EYS: variants seen among roughly 807,000 people sequenced by gnomAD.
The protein encoded by EYS is EGF-like photoreceptor maintenance factor, also known as protein eyes shut homolog.
EYS carries 250 observed loss-of-function variants against 282.1 expected under a neutral mutation model. The ratio of observed to expected loss-of-function variants is 0.89; its 90% CI spans 0.80 to 0.98. The LOEUF (loss-of-function observed/expected upper bound fraction) is 0.98. EYS is among the 50% of genes least tolerant of loss of function. The pLI is 0.00. For missense variants in EYS, 4,016 were observed against 3,709.0 expected, an observed-to-expected ratio of 1.08 and a Z score of -2.15; for synonymous variants, 1,355 against 1,282.9, an observed-to-expected ratio of 1.06 and a Z score of -1.20.
intron 35 of EYS, among the ~76,000 whole-genome samples, chr6:63,919,002 G>A (rs1222979960): frequency 6.6e-6 from 1 of 152,172 alleles, no homozygotes; most frequent in African/African-American, 2.4e-5. Context: ...GGGTAATTGG[G>A]TACCCAGGGC....
chr6:65,253,536 G>A (rs1026906728), intron 12 of EYS, among the ~76,000 whole-genome samples: 1 of 151,796 alleles, frequency 6.6e-6, no homozygotes, highest in African/African-American at 2.4e-5. Flanking sequence ...TAAATGCAGT[G>A]TTCTGATGTA....
At chr6:64,392,591 C>A (rs991415239) in intron 28 of EYS, among the ~76,000 whole-genome samples, 1 of 151,654 alleles carries the variant, frequency 6.6e-6, no homozygotes, top group African/African-American at 2.4e-5. Flanking sequence ...AGAACAAAGA[C>A]ACAACATACC....
intron 36 of EYS, among the ~76,000 whole-genome samples, chr6:63,829,269 C>A (rs1006568441): frequency 6.6e-6 from 1 of 152,162 alleles, no homozygotes; most frequent in Non-Finnish European, 1.5e-5. Context: ...TGGGGTATCA[C>A]CTCACCCGGG....
At chr6:65,678,550 G>A (rs1437391049) in intron 1 of EYS, among the ~76,000 whole-genome samples, 5 of 151,986 alleles carry the variant, frequency 3.3e-5, no homozygotes, top group South Asian at 2.1e-4. Context: ...TGCAGGTCAC[G>A]ATTTTATGAA....
At chr6:65,626,293 T>C (rs1766688070) in intron 2 of EYS, among the ~76,000 whole-genome samples, 1 of 152,204 alleles carries the variant, frequency 6.6e-6, no homozygotes, top group South Asian at 2.1e-4. Context: ...GGCTCAGACC[T>C]TGCCATATTT....
intron 22 of EYS, among the ~76,000 whole-genome samples, chr6:64,652,870 C>T (rs956993968): frequency 1.3e-5 from 2 of 152,046 alleles, no homozygotes; most frequent in Non-Finnish European, 2.9e-5. Context: ...GTATAAAATT[C>T]CGTGTGTGTG....
chr6:64,296,598 A>ATATTTTTTTTT (rs1561913902), intron 30 of EYS, among the ~76,000 whole-genome samples: 2 of 20,134 alleles, frequency 9.9e-5, no homozygotes, highest in African/African-American at 3.2e-4. Context: ...ATATATATAT[A>ATATTTTTTTTT]TTTTTTTTTT....
intron 31 of EYS, among the ~76,000 whole-genome samples, chr6:64,230,001 C>T (rs886431303): frequency 6.6e-6 from 1 of 152,212 alleles, no homozygotes; most frequent in African/African-American, 2.4e-5. Flanking sequence ...CCTTTGTAAT[C>T]TGTCCAGGGT....
At chr6:64,631,587 G>A (rs951102187) in intron 22 of EYS, 6 of 151,888 alleles carry the variant, frequency 4.0e-5, no homozygotes, top group Non-Finnish European at 5.9e-5. Flanking sequence ...GTTTCTGTTC[G>A]TTAACGATAA....
intron 2 of EYS, among the ~76,000 whole-genome samples, chr6:65,627,398 C>G: frequency 6.6e-6 from 1 of 152,162 alleles, no homozygotes; most frequent in Non-Finnish European, 1.5e-5. Context: ...GCTCTCGGTG[C>G]CTCCTCTGCC....
chr6:65,546,352 C>A (rs751599071), intron 2 of EYS, among the ~76,000 whole-genome samples: 8 of 150,384 alleles, frequency 5.3e-5, no homozygotes, highest in Non-Finnish European at 8.8e-5. Context: ...GGTTTTATAT[C>A]TGGTCATTAA....
At chr6:64,820,576 A>ATAAT (rs1158853636) in intron 21 of EYS, among the ~76,000 whole-genome samples, 1 of 152,176 alleles carries the variant, frequency 6.6e-6, no homozygotes, top group East Asian at 1.9e-4. Context: ...ATATCAACAG[A>ATAAT]TAATTATGCT....
intron 12 of EYS, among the ~76,000 whole-genome samples, chr6:65,251,875 C>T (rs553556160): frequency 6.6e-6 from 1 of 152,014 alleles, no homozygotes; most frequent in East Asian, 1.9e-4. Flanking sequence ...GTGCCACATC[C>T]CTTTTTTTGT....
At chr6:64,636,711 A>G (rs1767993642) in intron 22 of EYS, among the ~76,000 whole-genome samples, 1 of 152,136 alleles carries the variant, frequency 6.6e-6, no homozygotes, top group Non-Finnish European at 1.5e-5. Context: ...GCTAATATCC[A>G]GAATCTACAA....
At chr6:63,893,224 G>A (rs992439984) in intron 35 of EYS, among the ~76,000 whole-genome samples, 1 of 152,126 alleles carries the variant, frequency 6.6e-6, no homozygotes, top group African/African-American at 2.4e-5. Context: ...TCCTAATACT[G>A]GGTATATACC....
chr6:64,675,428 C>CTTTTTTTTTTTTTTTTTTTTTTT (rs56346431), intron 22 of EYS, among the ~76,000 whole-genome samples: 3 of 114,624 alleles, frequency 2.6e-5, no homozygotes, highest in East Asian at 2.6e-4. Flanking sequence ...CTTTTTTTTT[C>CTTTTTTTTTTTTTTTTTTTTTTT]TTTTTTTTTT....
intron 12 of EYS, among the ~76,000 whole-genome samples, chr6:65,216,421 G>C (rs1304268796): frequency 1.3e-5 from 2 of 151,772 alleles, no homozygotes; most frequent in Non-Finnish European, 2.9e-5. Context: ...GCTATAAAAT[G>C]ATACAAATTG....
chr6:63,827,633 A>G (rs1223664691), intron 36 of EYS, among the ~76,000 whole-genome samples: 2 of 152,086 alleles, frequency 1.3e-5, no homozygotes, highest in African/African-American at 4.8e-5. Flanking sequence ...TCATGAGGTC[A>G]GGAGATCTAG....
intron 22 of EYS, among the ~76,000 whole-genome samples, chr6:64,773,533 C>T (rs1329611241): frequency 6.6e-6 from 1 of 151,698 alleles, no homozygotes; most frequent in East Asian, 1.9e-4. Flanking sequence ...CTGTTTTAAG[C>T]TCTCTGAGAA....
Sources: gnomAD v4.1 joint callset for allele counts (sites outside exome capture counted in the v4.1 genomes callset) on GRCh38, gnomAD v4.1.1 for gene constraint, MANE v1.5 for transcripts, NCBI Gene and HGNC (gene_info 2026-07-23, HGNC 2026-07-21) for gene names.